The following DAD1 variants were observed in gnomAD, a reference collection of about 807,000 sequenced individuals.
DAD1 encodes the protein defender against cell death 1.
Under a neutral mutation model 9.0 loss-of-function variants are expected in DAD1, and 4 were observed. That is an observed-to-expected ratio of 0.44 (90% CI 0.22 to 1.01). The LOEUF (loss-of-function observed/expected upper bound fraction) is 1.01. Ranked by LOEUF, DAD1 falls within the 50% of genes least tolerant of loss-of-function variation. The pLI, the probability that DAD1 is intolerant of heterozygous loss-of-function variation, is 0.24. For synonymous variants in DAD1, 60 were observed against 62.5 expected (o/e 0.96, Z 0.19); for missense variants, 119 against 137.3 (o/e 0.87, Z 0.67).
At chr14:22,568,360 G>C (rs1472468062) in intron 2 of DAD1, among the ~76,000 whole-genome samples, 1 of 152,210 alleles carries the variant, frequency 6.6e-6, no homozygotes, top group Admixed American at 6.5e-5. Context: ...TTTTGTAAAA[G>C]GCTTCATACA....
chr14:22,576,145 G>A (rs188398766), intron 1 of DAD1, among the ~76,000 whole-genome samples: 38 of 152,310 alleles, frequency 2.5e-4, no homozygotes, highest in African/African-American at 9.1e-4. Context: ...ACAGGCACGG[G>A]TGAACACATC....
At chr14:22,586,362 A>G (rs780407404) in intron 1 of DAD1, among the ~76,000 whole-genome samples, 2 of 150,952 alleles carry the variant, frequency 1.3e-5, no homozygotes, top group Non-Finnish European at 3.0e-5. Flanking sequence ...CCTGACCAAC[A>G]TGGAGAAACT....
chr14:22,575,149 A>G lies in DAD1; in HGVS notation c.296T>C (p.Phe99Ser). 1 of 1,614,196 alleles carries G rather than the reference A, an allele frequency of 6.2e-7. No homozygotes were observed. The highest frequency in any genetic ancestry group is 8.5e-7 in the Non-Finnish European group (1 of 1,180,012). ...AACAAGGTGCAGGATGGTGCTGGCA[A>G]AGAGAAAATCAGCAAAGGCTCGCTC... ...SPERAFADFL[F>S]ASTILHLVVM... Residue 99 changes from phenylalanine to serine, a missense_variant, in exon 2 of 3, where the codon TTT becomes TCT. Coordinates refer to ENST00000250498, the MANE Select transcript of DAD1 (RefSeq NM_001344.4).
chr14:22,585,734 G>A (rs1300957128), intron 1 of DAD1, among the ~76,000 whole-genome samples: 3 of 152,026 alleles, frequency 2.0e-5, no homozygotes, highest in East Asian at 1.9e-4. Flanking sequence ...GTTTGGTAGC[G>A]TTCTGAATTG....
At chr14:22,575,676 T>C (rs571326973) in intron 1 of DAD1, among the ~76,000 whole-genome samples, 1 of 152,178 alleles carries the variant, frequency 6.6e-6, no homozygotes, top group Non-Finnish European at 1.5e-5. Flanking sequence ...GCCTCCCAAG[T>C]AGCCGGGACT....
At chr14:22,583,789 A>T (rs2037134204) in intron 1 of DAD1, among the ~76,000 whole-genome samples, 1 of 152,108 alleles carries the variant, frequency 6.6e-6, no homozygotes, top group Non-Finnish European at 1.5e-5. Context: ...GAGACACATC[A>T]TCCACCATGA....
At chr14:22,583,805 CAG>C (rs377448021) in intron 1 of DAD1, among the ~76,000 whole-genome samples, 5 of 152,008 alleles carry the variant, frequency 3.3e-5, no homozygotes, top group East Asian at 1.9e-4. Flanking sequence ...CATGAGAAGT[CAG>C]AGAGTATGGG....
chr14:22,575,060 T>C lies in DAD1; in HGVS notation c.*43A>G, dbSNP rs2037066952. On this transcript the variant is annotated splice_region_variant and 3_prime_UTR_variant, in exon 2 of 3. Transcript: ENST00000250498. ...ACAAGGACTATGATCATCACTTACA[T>C]TCTTTTAGTCTCCTACTCCTCAATT... The C allele has an allele frequency of 3.7e-6, 6 of 1,605,272 alleles. No individual in the cohort carries two copies. The highest frequency in any genetic ancestry group is 5.1e-6 in the Non-Finnish European group (6 of 1,173,922).
In DAD1 at chr14:22,565,009, AC is replaced by A. The variant is rs777152938; in HGVS notation, c.*172del. On this transcript the variant is annotated 3_prime_UTR_variant, in exon 3 of 3. Coordinates refer to ENST00000250498, the MANE Select transcript of DAD1 (RefSeq NM_001344.4). Reference sequence around the variant, plus strand: ...GTTTGTTAGAAAGTTGTTCTGACACACAGTGAACTCTGGGCTTTTCTCCTGC... The same window carrying A: ...GTTTGTTAGAAAGTTGTTCTGACACAAGTGAACTCTGGGCTTTTCTCCTGC... 65 of 662,194 alleles carry A rather than the reference AC, an allele frequency of 9.8e-5. No homozygotes were observed. Among genetic ancestry groups the A allele is most frequent in the Non-Finnish European group, 1.5e-4 (56 of 365,670 alleles). 41.0% of individuals were successfully genotyped at this position (662,194 alleles called of 1,614,324 possible). A position where few individuals can be genotyped will look rare whatever the true frequency, so the allele number is the denominator to read the frequency against.
At chr14:22,582,988 AGAGT>A (rs1212751654) in intron 1 of DAD1, among the ~76,000 whole-genome samples, 1 of 142,514 alleles carries the variant, frequency 7.0e-6, no homozygotes, top group African/African-American at 2.7e-5. Context: ...CCTGGGTGAC[AGAGT>A]GAGACTATGT....
chr14:22,578,800 T>C (rs1015536255), intron 1 of DAD1, among the ~76,000 whole-genome samples: 3 of 152,134 alleles, frequency 2.0e-5, no homozygotes, highest in African/African-American at 7.2e-5. Flanking sequence ...TCGCACTCTG[T>C]TAAAGGAAAA....
At chr14:22,572,340 T>C (rs1001009174) in intron 2 of DAD1, among the ~76,000 whole-genome samples, 2 of 152,176 alleles carry the variant, frequency 1.3e-5, no homozygotes, top group Non-Finnish European at 2.9e-5. Context: ...ACAGTGCACA[T>C]ATAGCTGAGT....
chr14:22,583,903 A>T (rs556590540), intron 1 of DAD1, among the ~76,000 whole-genome samples: 1 of 152,224 alleles, frequency 6.6e-6, no homozygotes, highest in East Asian at 1.9e-4. Context: ...AAAAAATAAA[A>T]GCAAGATCAC....
rs1292613771 is a variant in DAD1 at position 22,589,032 on chromosome 14, G to T, written c.126C>A (p.Phe42Leu). The change falls in exon 1 of 3, where the codon TTC becomes TTA. Residue 42 changes from phenylalanine (F) to leucine (L), a missense_variant. Transcript: ENST00000250498. Reference sequence around the variant, plus strand: ...AGGTCCCCACGAGGAGACAGTAACCGAACTGCAGCGCCCCGGTCAGCAGTA... The same window carrying T: ...AGGTCCCCACGAGGAGACAGTAACCTAACTGCAGCGCCCCGGTCAGCAGTA... The part of the protein sequence containing the change: ...LYILLTGALQ[F>L]GYCLLVGTFP... The T allele has an allele frequency of 6.2e-7, 1 of 1,614,186 alleles. No individual in the cohort carries two copies. Among genetic ancestry groups the T allele is most frequent in the Non-Finnish European group, 8.5e-7 (1 of 1,180,026 alleles).
intron 1 of DAD1, 143 bp from the exon 2 acceptor site, chr14:22,575,376 A>G (rs1238025850): frequency 2.8e-5 from 25 of 899,380 alleles, no homozygotes; most frequent in African/African-American, 6.7e-5. Flanking sequence ...ATACACAGAA[A>G]TGATACCCAG....
chr14:22,582,531 T>TA (rs898622157), intron 1 of DAD1, among the ~76,000 whole-genome samples: 24 of 150,790 alleles, frequency 1.6e-4, no homozygotes, highest in African/African-American at 5.6e-4. Flanking sequence ...CTCAAAAATA[T>TA]AAAAAATAAA....
At chr14:22,584,438 A>G (rs1292729089) in intron 1 of DAD1, among the ~76,000 whole-genome samples, 1 of 152,122 alleles carries the variant, frequency 6.6e-6, no homozygotes, top group African/African-American at 2.4e-5. Context: ...GCAATAAGCC[A>G]GGCATAGTGC....
At chr14:22,588,468 C>T (rs1376995327) in intron 1 of DAD1, among the ~76,000 whole-genome samples, 3 of 152,166 alleles carry the variant, frequency 2.0e-5, no homozygotes, top group African/African-American at 7.2e-5. Flanking sequence ...GTAGTAGCAG[C>T]TAAAAGGCAA....
chr14:22,584,129 C>T (rs1475977401), intron 1 of DAD1, among the ~76,000 whole-genome samples: 5 of 152,098 alleles, frequency 3.3e-5, no homozygotes, highest in African/African-American at 9.7e-5. Context: ...GTAGAAGCCA[C>T]GTCTGTGTGC....
Sources: gnomAD v4.1 joint callset for allele counts (sites outside exome capture counted in the v4.1 genomes callset) on GRCh38, gnomAD v4.1.1 for gene constraint, MANE v1.5 for transcripts, NCBI Gene and HGNC (gene_info 2026-07-23, HGNC 2026-07-21) for gene names.